SLC12A4: variants seen among roughly 807,000 people sequenced by gnomAD.
SLC12A4 encodes solute carrier family 12 member 4.
A neutral mutation model predicts 119.2 loss-of-function variants in SLC12A4; 84 were observed. The ratio of observed to expected loss-of-function variants is 0.70; its 90% confidence interval spans 0.59 to 0.85. The LOEUF is 0.85. Ranked by LOEUF, SLC12A4 falls within the 40% of genes least tolerant of loss-of-function variation. SLC12A4 has a pLI of 0.00. For synonymous variants in SLC12A4, 599 were observed against 604.6 expected, an observed-to-expected ratio of 0.99 and a Z score of 0.14; for missense variants, 1,298 against 1,476.3, an observed-to-expected ratio of 0.88 and a Z score of 1.98.
chr16:67,943,666 C>A lies in SLC12A4; in HGVS notation c.*1174G>T. 1 of 538,484 alleles carries A rather than the reference C, an allele frequency of 1.9e-6. No homozygotes were observed. The highest frequency in any genetic ancestry group is 3.2e-5 in the Admixed American group (1 of 30,958). 33.4% of individuals were successfully genotyped at this position (538,484 alleles called of 1,614,324 possible). A position where few individuals can be genotyped will look rare whatever the true frequency, so the allele number is the denominator to read the frequency against. Reference sequence around the variant, plus strand: ...GGGCTTGGCCCAGAGTCTGGTGTGGCTGTGACTGACCACAGCTTGTGATGC... The same window carrying A: ...GGGCTTGGCCCAGAGTCTGGTGTGGATGTGACTGACCACAGCTTGTGATGC... On this transcript the variant is annotated 3_prime_UTR_variant, in exon 24 of 24. Transcript: ENST00000316341. The surrounding 1 kb of genome is among the most constrained non-coding windows in gnomAD (Gnocchi z 4.6).
chr16:67,952,567 A>G, intron 6 of SLC12A4, 142 bp from the exon 7 acceptor site: 1 of 838,446 alleles, frequency 1.2e-6, no homozygotes, highest in Non-Finnish European at 1.9e-6. Context: ...TGGGAGGCTG[A>G]GGTGGGGGAT....
chr16:67,947,886 AGGTCCCAGGTGGGT>A (rs2058370595), intron 14 of SLC12A4, 98 bp from the exon 15 acceptor site: 1 of 1,514,976 alleles, frequency 6.6e-7, no homozygotes, highest in South Asian at 1.2e-5. Flanking sequence ...CCCGGGTGGG[AGGTCCCAGGTGGGT>A]GGTCAGGTCA....
At chr16:67,954,265 A>G in intron 6 of SLC12A4, 1 of 327,004 alleles carries the variant, frequency 3.1e-6, no homozygotes, top group African/African-American at 2.2e-5. Flanking sequence ...GCCCTGGCAC[A>G]GAGCCCCGGA....
intron 5 of SLC12A4, among the ~76,000 whole-genome samples, chr16:67,955,112 A>T (rs980006915): frequency 6.6e-6 from 1 of 152,168 alleles, no homozygotes; most frequent in African/African-American, 2.4e-5. Context: ...GTCCTATCTC[A>T]GCCCACCTCA....
intron 1 of SLC12A4, among the ~76,000 whole-genome samples, chr16:67,964,282 C>T (rs564777765): frequency 2.0e-5 from 3 of 152,360 alleles, no homozygotes; most frequent in African/African-American, 7.2e-5. Context: ...CCGCTTGCCC[C>T]AGGCAAACCT....
Position 67,945,226 on chromosome 16 carries a change from C to A in SLC12A4, c.3033-6G>T. The stretch of plus-strand genomic sequence containing the variant: ...GCCGCACATTGGATTGGTCCCTACA[C>A]GTAGTGTAGCCAGTCACAGGTCGCC... On this transcript the variant is annotated splice_polypyrimidine_tract_variant and splice_region_variant and intron_variant, in intron 22 of 23. Coordinates refer to ENST00000316341, the MANE Select transcript of SLC12A4 (RefSeq NM_005072.5). 1.9e-6 allele frequency: 3 copies of A among 1,554,614 alleles called. No homozygotes were observed. Among genetic ancestry groups the A allele is most frequent in the Non-Finnish European group, 2.6e-6 (3 of 1,147,974 alleles).
chr16:67,947,980 C>G, intron 14 of SLC12A4, 81 bp downstream of exon 14: 1 of 1,520,892 alleles, frequency 6.6e-7, no homozygotes, highest in Non-Finnish European at 9.1e-7. Context: ...TTCAAGAGCT[C>G]CCTACCCAGG....
Position 67,947,744 on chromosome 16 carries a change from A to G in SLC12A4, c.1892T>C (p.Phe631Ser). The change falls in exon 15 of 24, where the codon TTT becomes TCT. Residue 631 changes from phenylalanine (F) to serine (S), a missense_variant. By Grantham distance (155) the Phe-to-Ser change is radical. Coordinates refer to ENST00000316341, the MANE Select transcript of SLC12A4 (RefSeq NM_005072.5). The part of the protein sequence containing the change: ...LGMSLCLALM[F>S]VSSWYYALVA... ...CAGGGCATAGTACCAGGAGGAGACA[A>G]ACATAAGGGCCAGGCAGAGACTCAT... is the stretch of plus-strand genomic sequence containing the variant. 1 of 1,601,108 alleles carries G rather than the reference A, an allele frequency of 6.2e-7. No homozygotes were observed. The highest frequency in any genetic ancestry group is 8.5e-7 in the Non-Finnish European group (1 of 1,174,164).
chr16:67,954,737 C>T lies in SLC12A4; in HGVS notation c.581G>A (p.Gly194Glu). ...GCCCACAGCACCTCCAAATTCTGGC[C>T]CCAGTGAACGAGAGATCATGAAATA... ...GSYFMISRSL[G>E]PEFGGAVGLC... Residue 194 changes from glycine (G) to glutamate (E), a missense_variant, in exon 6 of 24, where the codon GGG (glycine) becomes GAG (glutamate). Gly to Glu is a moderately conservative substitution (Grantham distance 98). Coordinates refer to ENST00000316341, the MANE Select transcript of SLC12A4 (RefSeq NM_005072.5). The T allele has an allele frequency of 6.2e-7, 1 of 1,614,054 alleles. No individual in the cohort carries two copies.
At position 67,946,293 on chromosome 16, in the gene SLC12A4, TGGGCACGAGCA is replaced by T; in HGVS notation, c.2474_2484del (p.Leu825GlnfsTer41). 2 of 1,612,910 alleles carry T rather than the reference TGGGCACGAGCA, an allele frequency of 1.2e-6. No homozygotes were observed. Among genetic ancestry groups the T allele is most frequent in the Non-Finnish European group, 8.5e-7 (1 of 1,179,998 alleles). ...TTGCTGGGGTAGAAGGCGATGTTCTTGGGCACGAGCAGGGCCAGGTGGGCAGCCGTAGTGCA... is the reference window on the plus strand; with the variant it reads ...TTGCTGGGGTAGAAGGCGATGTTCTTGGGCCAGGTGGGCAGCCGTAGTGCA... On this transcript the variant is annotated frameshift_variant, in exon 19 of 24. Transcript: ENST00000316341. LOFTEE classifies it high-confidence loss of function.
At chr16:67,963,385 G>T in intron 2 of SLC12A4, 80 bp downstream of exon 2, 1 of 846,340 alleles carries the variant, frequency 1.2e-6, no homozygotes, top group Non-Finnish European at 1.9e-6. Context: ...CAAGACAGAG[G>T]AGGCCCACGT....
rs569930293 is a variant in SLC12A4, at chr16:67,945,405, G to A, written c.2996C>T (p.Ala999Val). The change falls in exon 22 of 24, where the codon GCC becomes GTC. Residue 999 changes from alanine (A) to valine (V), a missense_variant. Physicochemically the swap from Ala to Val is moderately conservative, Grantham distance 64. Transcript: ENST00000316341. ...YMTETWDPSH[A>V]PDNFRELVHI... The stretch of plus-strand genomic sequence containing the variant: ...CACCAGCTCCCGGAAATTGTCAGGG[G>A]CATGGCTGGGGTCCCAGGTCTCAGT... 1.2e-6 allele frequency: 2 copies of A among 1,614,012 alleles called. No homozygotes were observed. Among genetic ancestry groups the A allele is most frequent in the South Asian group, 2.2e-5 (2 of 91,070 alleles).
Position 67,946,316 on chromosome 16 carries a change from G to A in SLC12A4, c.2462C>T (p.Ala821Val), listed in dbSNP as rs1177142524. The change falls in exon 19 of 24, where the codon GCC becomes GTC. Residue 821 changes from alanine (A) to valine (V), a missense_variant. Physicochemically the swap from Ala to Val is moderately conservative, Grantham distance 64. Transcript: ENST00000316341. ...CTTGGGCACGAGCAGGGCCAGGTGG[G>A]CAGCCGTAGTGCAGCGCACGGTGTC... ...FIDTVRCTTA[A>V]HLALLVPKNI... is the part of the protein sequence containing the mutation. The A allele has an allele frequency of 1.2e-6, 2 of 1,611,316 alleles. No homozygotes were observed. Among genetic ancestry groups the A allele is most frequent in the South Asian group, 2.2e-5 (2 of 91,090 alleles).
rs577424546 is a variant in SLC12A4 at position 67,947,223 on chromosome 16, G to A, written c.2072+108C>T. 8 of 1,490,538 alleles carry A rather than the reference G, an allele frequency of 5.4e-6. No individual in the cohort carries two copies. In the South Asian group the frequency reaches 9.6e-5, roughly 18 times the overall value. The allele number at this position is 1,490,538 out of a possible 1,614,324, so 92.3% of individuals were successfully genotyped here. ...GGTTTGGGTAGCATGGCCCAGGAGG[G>A]TGCCCCGGGCAGCCCCAGGATGGGG... On this transcript the variant is annotated intron_variant, in intron 16 of 23. Coordinates refer to ENST00000316341, the MANE Select transcript of SLC12A4 (RefSeq NM_005072.5).
At chr16:67,958,577 C>T (rs1026698976) in intron 3 of SLC12A4, among the ~76,000 whole-genome samples, 1 of 152,172 alleles carries the variant, frequency 6.6e-6, no homozygotes, top group Non-Finnish European at 1.5e-5. Flanking sequence ...CACACTCCAG[C>T]CCACTCTGCT....
rs988429474 is a variant in SLC12A4, at chr16:67,949,050, C to T, written c.1748+750G>A. On this transcript the variant is annotated intron_variant, in intron 13 of 23. Coordinates refer to ENST00000316341, the MANE Select transcript of SLC12A4 (RefSeq NM_005072.5). This position sits in a 1 kb window ranked among gnomAD's most constrained non-coding sequence, Gnocchi z 4.6. ...GCCTGGACAGAGTCAACCAAACAAG[C>T]GCTGCCTCGGGGTCCCTGGGAGTCA... Among the ~76,000 whole-genome samples the T allele has an allele frequency of 1.3e-5, 2 of 152,188 alleles. No homozygotes were observed. Among genetic ancestry groups the T allele is most frequent in the Non-Finnish European group, 2.9e-5 (2 of 68,024 alleles).
Position 67,945,951 on chromosome 16 carries a change from C to T in SLC12A4, c.2739G>A (p.Met913Ile). ...RLEAEVEVVE[M>I]HNSDISAYTY... The stretch of plus-strand genomic sequence containing the variant: ...GGCCAGGGCAGGGCAGAGGGCTCAC[C>T]ATCTCCACCACCTCCACCTCGGCCT... Residue 913 changes from methionine (M) to isoleucine (I), a missense_variant and splice_region_variant, in exon 20 of 24, where the codon ATG becomes ATA. Physicochemically the swap from Met to Ile is conservative, Grantham distance 10. Coordinates refer to ENST00000316341, the MANE Select transcript of SLC12A4 (RefSeq NM_005072.5). 2 of 1,613,344 alleles carry T rather than the reference C, an allele frequency of 1.2e-6. No individual in the cohort carries two copies. Among genetic ancestry groups the T allele is most frequent in the South Asian group, 2.2e-5 (2 of 91,066 alleles).
intron 3 of SLC12A4, among the ~76,000 whole-genome samples, 167 bp from the exon 4 acceptor site, chr16:67,958,211 T>C (rs1463249591): frequency 6.6e-6 from 1 of 152,178 alleles, no homozygotes; most frequent in African/African-American, 2.4e-5. Flanking sequence ...AGGAAGACAG[T>C]TGAGTCTGGG....
intron 3 of SLC12A4, 118 bp downstream of exon 3, chr16:67,961,457 A>G: frequency 7.0e-7 from 1 of 1,435,194 alleles, no homozygotes; most frequent in Non-Finnish European, 9.5e-7. Context: ...CTCCCTGCTC[A>G]CTATGCTTGG....
Sources: gnomAD v4.1 joint callset for allele counts (sites outside exome capture counted in the v4.1 genomes callset) on GRCh38, gnomAD v4.1.1 for gene constraint, Gnocchi (gnomAD v3.1) non-coding constraint, MANE v1.5 for transcripts, NCBI Gene and HGNC (gene_info 2026-07-23, HGNC 2026-07-21) for gene names.